Variants in PRKG1 observed in about 807,000 individuals in gnomAD.
PRKG1 encodes protein kinase cGMP-dependent 1.
In PRKG1, 35 loss-of-function variants were observed where a neutral mutation model predicts 88.1. The ratio of observed to expected loss-of-function variants is 0.40; its 90% confidence interval spans 0.30 to 0.53. PRKG1 has a LOEUF of 0.53. Ranked by LOEUF, PRKG1 falls within the 20% of genes least tolerant of loss-of-function variation. The pLI, the probability that PRKG1 is intolerant of heterozygous loss-of-function variation, is 0.59. For missense variants in PRKG1, 540 were observed against 839.8 expected, an observed-to-expected ratio of 0.64 and a Z score of 4.41; for synonymous variants, 303 against 292.5, an observed-to-expected ratio of 1.04 and a Z score of -0.37.
chr10:52,056,747 A>C (rs1350915989), intron 6 of PRKG1, among the ~76,000 whole-genome samples: 1 of 152,104 alleles, frequency 6.6e-6, no homozygotes, highest in Non-Finnish European at 1.5e-5. Flanking sequence ...ATTACATAAT[A>C]ATTGTATTAA....
chr10:52,045,873 T>G (rs1159700511), intron 5 of PRKG1, among the ~76,000 whole-genome samples: 1 of 152,056 alleles, frequency 6.6e-6, no homozygotes, highest in African/African-American at 2.4e-5. Context: ...GCATGATGGT[T>G]CTTGCAGGGA....
chr10:51,108,888 T>C (rs10761810), intron 1 of PRKG1, among the ~76,000 whole-genome samples: 38,692 of 152,090 alleles, frequency 0.25, 5,135 homozygotes, highest in Admixed American at 0.29. Context: ...ATAGAAAAGC[T>C]ACTAGAACTG....
intron 9 of PRKG1, among the ~76,000 whole-genome samples, chr10:52,164,740 AC>A (rs1838384008): frequency 1.3e-5 from 2 of 152,302 alleles, no homozygotes; most frequent in African/African-American, 2.4e-5. Flanking sequence ...TTATGTTTAC[AC>A]TTTTTCCCCC....
intron 5 of PRKG1, among the ~76,000 whole-genome samples, chr10:51,917,841 T>C (rs1225890828): frequency 3.3e-5 from 5 of 152,208 alleles, no homozygotes; most frequent in Non-Finnish European, 7.3e-5. Context: ...CTCTCCCATA[T>C]TTTGTAAGTC....
chr10:51,295,114 A>G (rs1026830790), intron 2 of PRKG1, among the ~76,000 whole-genome samples: 7 of 152,020 alleles, frequency 4.6e-5, no homozygotes, highest in Non-Finnish European at 7.4e-5. Context: ...TGCTTTGGCT[A>G]TTGAAGGTCT....
Position 51,631,327 on chromosome 10 carries a change from G to T in PRKG1, c.592+163491G>T, listed in dbSNP as rs552116717. Among the ~76,000 whole-genome samples, 3 of 152,122 alleles carry T rather than the reference G, an allele frequency of 2.0e-5. No homozygotes were observed. In the South Asian group the frequency reaches 6.2e-4, roughly 32 times the overall value. Reference sequence around the variant, plus strand: ...ACAAATGTGCAGTGCAGGGAAAGAGGCATGGATGGAGTGGTAAATAAACTA... The same window carrying T: ...ACAAATGTGCAGTGCAGGGAAAGAGTCATGGATGGAGTGGTAAATAAACTA... On this transcript the variant is annotated intron_variant, in intron 3 of 17. Coordinates refer to ENST00000373980, the MANE Select transcript of PRKG1 (RefSeq NM_006258.4).
intron 3 of PRKG1, among the ~76,000 whole-genome samples, chr10:51,549,413 T>A (rs1334626660): frequency 6.6e-6 from 1 of 151,996 alleles, no homozygotes; most frequent in Non-Finnish European, 1.5e-5. Flanking sequence ...CTAGACACCC[T>A]GCCTAAACTA....
chr10:51,510,913 T>A (rs1297255132), intron 3 of PRKG1, among the ~76,000 whole-genome samples: 2 of 151,194 alleles, frequency 1.3e-5, no homozygotes, highest in Non-Finnish European at 1.5e-5. Context: ...CAGCTTATTT[T>A]TTTTTTTTTT....
At chr10:51,199,797 C>T (rs1837867019) in intron 2 of PRKG1, among the ~76,000 whole-genome samples, 2 of 152,206 alleles carry the variant, frequency 1.3e-5, no homozygotes, top group African/African-American at 2.4e-5. Flanking sequence ...CCCTTTGACG[C>T]TTTGGGCTAG....
At chr10:51,737,801 T>C (rs932478898) in intron 3 of PRKG1, among the ~76,000 whole-genome samples, 2 of 150,928 alleles carry the variant, frequency 1.3e-5, no homozygotes, top group East Asian at 1.9e-4. Flanking sequence ...TTCACTCTTG[T>C]TGCCCAGGCT....
At chr10:52,100,912 G>C (rs1847279080) in intron 7 of PRKG1, among the ~76,000 whole-genome samples, 1 of 152,170 alleles carries the variant, frequency 6.6e-6, no homozygotes, top group Non-Finnish European at 1.5e-5. Context: ...GCTGTTTTCA[G>C]CTCTTTCTCA....
At chr10:52,278,634 A>G (rs1841928452) in intron 12 of PRKG1, among the ~76,000 whole-genome samples, 2 of 152,176 alleles carry the variant, frequency 1.3e-5, no homozygotes, top group African/African-American at 4.8e-5. Flanking sequence ...AGCCATAAAA[A>G]AGAATGAGTT....
At chr10:51,582,801 A>G (rs1272816363) in intron 3 of PRKG1, among the ~76,000 whole-genome samples, 1 of 152,174 alleles carries the variant, frequency 6.6e-6, no homozygotes, top group Non-Finnish European at 1.5e-5. Flanking sequence ...AGAAACCGTC[A>G]TGGGTAATTT....
chr10:51,223,607 A>G (rs545679679), intron 2 of PRKG1, among the ~76,000 whole-genome samples: 57 of 152,232 alleles, frequency 3.7e-4, no homozygotes, highest in Non-Finnish European at 7.6e-4. Context: ...CATAAGATGT[A>G]TATTTCTACA....
chr10:51,303,917 T>C (rs1303090611), intron 2 of PRKG1, among the ~76,000 whole-genome samples: 1 of 151,990 alleles, frequency 6.6e-6, no homozygotes, highest in African/African-American at 2.4e-5. Flanking sequence ...ACCCCCAGGT[T>C]CAAGCAATTC....
chr10:51,817,347 A>ACCCCCC (rs367740899), intron 4 of PRKG1, among the ~76,000 whole-genome samples: 111 of 129,658 alleles, frequency 8.6e-4, no homozygotes, highest in Non-Finnish European at 1.3e-3. Flanking sequence ...TCCCTCCCCA[A>ACCCCCC]CCCCCCCCCT....
intron 2 of PRKG1, among the ~76,000 whole-genome samples, chr10:51,235,134 C>T (rs1005300054): frequency 1.3e-5 from 2 of 152,116 alleles, no homozygotes; most frequent in African/African-American, 4.8e-5. Flanking sequence ...CCAGAGTTAC[C>T]TTCCATAGAA....
intron 13 of PRKG1, among the ~76,000 whole-genome samples, chr10:52,281,871 A>G (rs539112709): frequency 6.6e-6 from 1 of 152,256 alleles, no homozygotes; most frequent in South Asian, 2.1e-4. Flanking sequence ...CTCCATTAGC[A>G]TAAAAGAAGA....
At chr10:52,017,673 G>A (rs942434163) in intron 5 of PRKG1, among the ~76,000 whole-genome samples, 2 of 152,150 alleles carry the variant, frequency 1.3e-5, no homozygotes, top group African/African-American at 4.8e-5. Context: ...TCCAAATGGT[G>A]CAGTTAATTA....
Sources: gnomAD v4.1 joint callset for allele counts (sites outside exome capture counted in the v4.1 genomes callset) on GRCh38, gnomAD v4.1.1 for gene constraint, MANE v1.5 for transcripts, NCBI Gene and HGNC (gene_info 2026-07-23, HGNC 2026-07-21) for gene names.